KLHL32: variants seen among roughly 807,000 people sequenced by gnomAD.
KLHL32 encodes the protein kelch like family member 32, also known as kelch-like protein 32.
In KLHL32, 35 loss-of-function variants were observed where a neutral mutation model predicts 64.8. That is an observed-to-expected ratio of 0.54 (90% CI 0.41 to 0.72). The LOEUF (loss-of-function observed/expected upper bound fraction) is 0.72, where lower values mean the gene tolerates loss of function less well. Among genes scored for constraint, KLHL32 ranks in the 30% least tolerant of loss-of-function variants. KLHL32 has a pLI of 0.00. For synonymous variants in KLHL32, 259 were observed against 281.0 expected (o/e 0.92, Z 0.78); for missense variants, 589 against 768.5 (o/e 0.77, Z 2.76).
chr6:96,970,388 G>T (rs893179765), intron 2 of KLHL32, among the ~76,000 whole-genome samples: 2 of 152,094 alleles, frequency 1.3e-5, no homozygotes, highest in Non-Finnish European at 2.9e-5. Context: ...ACTCTATAAG[G>T]GCCATGCTCC....
intron 6 of KLHL32, 108 bp downstream of exon 6, chr6:97,085,449 G>A: frequency 1.1e-6 from 1 of 944,154 alleles, no homozygotes; most frequent in Non-Finnish European, 1.6e-6. Context: ...TGGTCCTCAT[G>A]GAGTTGTTTT....
chr6:97,098,617 A>G (rs1376721993), intron 6 of KLHL32, among the ~76,000 whole-genome samples: 3 of 152,224 alleles, frequency 2.0e-5, no homozygotes, highest in African/African-American at 7.2e-5. Flanking sequence ...GAAGTCTCCA[A>G]AAATGAATTA....
intron 3 of KLHL32, among the ~76,000 whole-genome samples, chr6:96,995,346 A>G (rs554076577): frequency 6.6e-6 from 1 of 152,186 alleles, no homozygotes; most frequent in South Asian, 2.1e-4. Context: ...TCCTTTCCCA[A>G]CTTTTCATTT....
intron 1 of KLHL32, among the ~76,000 whole-genome samples, chr6:96,949,946 G>C (rs1034958151): frequency 2.6e-5 from 4 of 151,436 alleles, no homozygotes; most frequent in Admixed American, 2.6e-4. Flanking sequence ...CTAGTGTTTT[G>C]AGTGCTCATT....
intron 8 of KLHL32, 134 bp downstream of exon 8, chr6:97,127,596 C>A: frequency 1.3e-6 from 1 of 750,364 alleles, no homozygotes; most frequent in African/African-American, 1.8e-5. Context: ...AAGGAAGCAT[C>A]TGAATAAACT....
chr6:96,972,547 T>C (rs34310642), intron 2 of KLHL32, among the ~76,000 whole-genome samples: 29,879 of 152,184 alleles, frequency 0.2, 3,443 homozygotes, highest in East Asian at 0.29. Flanking sequence ...CTGCACTCAC[T>C]GATGAATTTT....
At chr6:96,931,881 A>T (rs1582376300) in intron 1 of KLHL32, among the ~76,000 whole-genome samples, 3 of 115,128 alleles carry the variant, frequency 2.6e-5, no homozygotes, top group Admixed American at 8.3e-5. Flanking sequence ...AATCATTATG[A>T]AAAAAAAGCC....
At chr6:96,934,493 A>C (rs918657786) in intron 1 of KLHL32, among the ~76,000 whole-genome samples, 25 of 152,362 alleles carry the variant, frequency 1.6e-4, no homozygotes, top group African/African-American at 5.8e-4. Context: ...TTCTGATGTC[A>C]GTGCTCTCCA....
intron 3 of KLHL32, among the ~76,000 whole-genome samples, chr6:97,001,466 G>GT (rs1300651840): frequency 1.3e-5 from 2 of 152,028 alleles, no homozygotes; most frequent in Non-Finnish European, 2.9e-5. Flanking sequence ...GTTTTGGTTT[G>GT]TTTTTTTGTT....
intron 3 of KLHL32, among the ~76,000 whole-genome samples, chr6:96,988,482 G>A (rs1196130849): frequency 4.7e-4 from 68 of 145,762 alleles, no homozygotes; most frequent in African/African-American, 1.2e-3. Context: ...GTGGAGAAAT[G>A]GGAACACTTT....
chr6:97,089,721 A>AGCG (rs1362703234), intron 6 of KLHL32, among the ~76,000 whole-genome samples: 1 of 151,494 alleles, frequency 6.6e-6, no homozygotes, highest in Non-Finnish European at 1.5e-5. Flanking sequence ...CAGAGGTTGC[A>AGCG]GCGAGTGGAG....
intron 3 of KLHL32, among the ~76,000 whole-genome samples, chr6:96,978,580 T>A (rs145268836): frequency 6.6e-6 from 1 of 152,356 alleles, no homozygotes; most frequent in East Asian, 1.9e-4. Context: ...GTCTTTGCTA[T>A]TGTGAATAGC....
the KLHL32 span, among the ~76,000 whole-genome samples, chr6:96,918,527 C>T: frequency 4.6e-5 from 7 of 152,170 alleles, no homozygotes; most frequent in Non-Finnish European, 1.0e-4. Context: ...GTGTCAGGTA[C>T]ATTAATCTAC....
intron 1 of KLHL32, among the ~76,000 whole-genome samples, chr6:96,946,116 A>G (rs1771887480): frequency 6.6e-6 from 1 of 152,226 alleles, no homozygotes; most frequent in South Asian, 2.1e-4. Flanking sequence ...CACTTTACCA[A>G]AGAAGTATCA....
chr6:97,055,338 C>T (rs936260825), intron 4 of KLHL32, among the ~76,000 whole-genome samples: 3 of 152,156 alleles, frequency 2.0e-5, no homozygotes, highest in African/African-American at 7.2e-5. Context: ...GGGTATATCC[C>T]TCTTTTACAG....
rs139968766 is a variant in KLHL32, at chr6:97,096,437, T to G, written c.627+11096T>G. 8.2e-3 allele frequency among the ~76,000 whole-genome samples: 1,245 copies of G among 152,358 alleles called. 19 individuals carry two copies. Among genetic ancestry groups the G allele is most frequent in the African/African-American group, 0.028 (1,162 of 41,592 alleles). On this transcript the variant is annotated intron_variant, in intron 6 of 10. Coordinates refer to ENST00000369261, the MANE Select transcript of KLHL32 (RefSeq NM_052904.4). ...GAAAATAGAAAGTAGAAGCTTATTTTCACCACTCCAAGCGTATATATTCCA... is the reference window on the plus strand; with the variant it reads ...GAAAATAGAAAGTAGAAGCTTATTTGCACCACTCCAAGCGTATATATTCCA...
intron 3 of KLHL32, among the ~76,000 whole-genome samples, chr6:97,030,091 T>C (rs1157258878): frequency 6.6e-6 from 1 of 152,246 alleles, no homozygotes; most frequent in Admixed American, 6.5e-5. Flanking sequence ...ACCTGTAAGA[T>C]TATTTGTATT....
chr6:97,127,602 A>G (rs1799010409), intron 8 of KLHL32, 140 bp downstream of exon 8: 1 of 744,692 alleles, frequency 1.3e-6, no homozygotes. Context: ...GCATCTGAAT[A>G]AACTGCTTTT....
At chr6:97,137,135 G>A (rs567501082) in intron 10 of KLHL32, among the ~76,000 whole-genome samples, 4 of 152,056 alleles carry the variant, frequency 2.6e-5, no homozygotes, top group African/African-American at 4.8e-5. Flanking sequence ...AAACCCCACC[G>A]GGGTTTTCCC....
Sources: allele counts gnomAD v4.1 joint callset (sites outside exome capture counted in the v4.1 genomes callset), GRCh38; gene constraint gnomAD v4.1.1; transcripts MANE v1.5; gene names NCBI Gene and HGNC (gene_info 2026-07-23, HGNC 2026-07-21).